Variants in DNAH11 observed in about 807,000 individuals in gnomAD.
DNAH11 encodes the protein axonemal beta dynein heavy chain 11.
DNAH11 carries 442 observed loss-of-function variants against 526.0 expected under a neutral mutation model. The ratio of observed to expected loss-of-function variants is 0.84; its 90% CI spans 0.78 to 0.91. The LOEUF (loss-of-function observed/expected upper bound fraction) is 0.91, where lower values mean the gene tolerates loss of function less well. Among genes scored for constraint, DNAH11 ranks in the 40% least tolerant of loss-of-function variants. The pLI is 0.00. For missense variants in DNAH11, 6,989 were observed against 5,448.7 expected (o/e 1.28, Z -8.90); for synonymous variants, 2,461 against 1,935.9 (o/e 1.27, Z -7.12).
At chr7:21,685,314 G>A (rs568992634) in intron 32 of DNAH11, among the ~76,000 whole-genome samples, 30 of 152,240 alleles carry the variant, frequency 2.0e-4, no homozygotes, top group African/African-American at 7.2e-4. Flanking sequence ...GAGGCCCAGG[G>A]TATAGGAGAA....
intron 14 of DNAH11, among the ~76,000 whole-genome samples, chr7:21,592,828 C>T (rs1053631648): frequency 6.6e-6 from 1 of 152,030 alleles, no homozygotes; most frequent in Non-Finnish European, 1.5e-5. Context: ...TTGGACTGGA[C>T]TGGGGTTGCC....
At chr7:21,684,607 G>C (rs962382160) in intron 32 of DNAH11, among the ~76,000 whole-genome samples, 5 of 152,234 alleles carry the variant, frequency 3.3e-5, no homozygotes, top group African/African-American at 1.2e-4. Flanking sequence ...GTTATGCAGA[G>C]ATCCTGGGGC....
chr7:21,845,705 T>G (rs1782391686), intron 66 of DNAH11, among the ~76,000 whole-genome samples: 1 of 152,192 alleles, frequency 6.6e-6, no homozygotes, highest in Non-Finnish European at 1.5e-5. Flanking sequence ...ATTCTGGATC[T>G]TATGATTTTT....
chr7:21,588,403 T>A, intron 10 of DNAH11, 109 bp from the exon 11 acceptor site: 2 of 1,409,360 alleles, frequency 1.4e-6, no homozygotes, highest in South Asian at 2.7e-5. Flanking sequence ...TAAACACATA[T>A]GTTTTATACT....
intron 65 of DNAH11, among the ~76,000 whole-genome samples, chr7:21,838,882 C>T (rs577248421): frequency 6.6e-4 from 101 of 152,190 alleles, no homozygotes; most frequent in Non-Finnish European, 1.3e-3. Flanking sequence ...AGGTGTGTGC[C>T]ACCACACCAT....
intron 55 of DNAH11, among the ~76,000 whole-genome samples, chr7:21,768,073 A>G (rs1319359061): frequency 6.6e-6 from 1 of 152,202 alleles, no homozygotes; most frequent in Non-Finnish European, 1.5e-5. Context: ...TCTGTTGCCT[A>G]ATATTGAACT....
intron 20 of DNAH11, among the ~76,000 whole-genome samples, chr7:21,610,110 C>T (rs564766457): frequency 3.3e-5 from 5 of 152,172 alleles, no homozygotes; most frequent in East Asian, 1.9e-4. Flanking sequence ...AAAAATTAGC[C>T]GGGCGTGGTG....
intron 39 of DNAH11, 66 bp from the exon 40 acceptor site, chr7:21,707,633 A>G (rs1583613681): frequency 6.4e-7 from 1 of 1,552,948 alleles, no homozygotes; most frequent in Non-Finnish European, 8.7e-7. Flanking sequence ...CTCTTCAGAA[A>G]TCTTTTACTT....
At chr7:21,888,155 T>C (rs1784198020) in intron 76 of DNAH11, among the ~76,000 whole-genome samples, 2 of 152,134 alleles carry the variant, frequency 1.3e-5, no homozygotes, top group African/African-American at 2.4e-5. Flanking sequence ...GCCTAGAAAA[T>C]CACCAATGTA....
At chr7:21,793,615 C>CAA (rs35648252) in intron 61 of DNAH11, among the ~76,000 whole-genome samples, 41,564 of 105,428 alleles carry the variant, frequency 0.39, 6,178 homozygotes, top group East Asian at 0.58. Context: ...GACTCTGTCT[C>CAA]AAAAAAAAAA....
chr7:21,895,897 T>G (rs1243952592), intron 79 of DNAH11, among the ~76,000 whole-genome samples: 1 of 152,146 alleles, frequency 6.6e-6, no homozygotes, highest in African/African-American at 2.4e-5. Context: ...ATCCGGTTAA[T>G]TTTTTGTATA....
intron 55 of DNAH11, among the ~76,000 whole-genome samples, chr7:21,772,495 T>C (rs1032841989): frequency 2.0e-5 from 3 of 152,144 alleles, no homozygotes; most frequent in African/African-American, 4.8e-5. Context: ...ATGTCTGTAT[T>C]GAAGTCAAGC....
At chr7:21,653,177 A>C (rs997547757) in intron 28 of DNAH11, among the ~76,000 whole-genome samples, 15 of 152,154 alleles carry the variant, frequency 9.9e-5, no homozygotes, top group Non-Finnish European at 7.4e-5. Context: ...CACCCAGCCT[A>C]ATCTATTCTT....
At chr7:21,806,529 G>C (rs756305617) in intron 62 of DNAH11, among the ~76,000 whole-genome samples, 1 of 152,132 alleles carries the variant, frequency 6.6e-6, no homozygotes, top group South Asian at 2.1e-4. Context: ...CATGACCTCC[G>C]ACCTCAGGGT....
chr7:21,727,615 ATAT>A (rs1785184094), intron 45 of DNAH11, among the ~76,000 whole-genome samples: 1 of 151,894 alleles, frequency 6.6e-6, no homozygotes, highest in African/African-American at 2.4e-5. Context: ...TTTCCTTTTC[ATAT>A]TATTTCTTCC....
chr7:21,546,139 C>A (rs1782796047), intron 2 of DNAH11, among the ~76,000 whole-genome samples: 2 of 152,326 alleles, frequency 1.3e-5, no homozygotes, highest in Admixed American at 1.3e-4. Context: ...AGGAAAAATG[C>A]TGACATATTT....
intron 55 of DNAH11, among the ~76,000 whole-genome samples, chr7:21,768,220 G>A (rs1456895104): frequency 6.6e-6 from 1 of 152,152 alleles, no homozygotes; most frequent in Non-Finnish European, 1.5e-5. Context: ...AGGGAGAGAA[G>A]GAAAAGCCAT....
chr7:21,667,018 T>G (rs1399898553), intron 30 of DNAH11, among the ~76,000 whole-genome samples: 1 of 152,020 alleles, frequency 6.6e-6, no homozygotes, highest in Non-Finnish European at 1.5e-5. Context: ...TCCAAACCTA[T>G]AAAAAGAGGA....
intron 4 of DNAH11, among the ~76,000 whole-genome samples, chr7:21,560,318 T>C (rs1783403205): frequency 6.6e-6 from 1 of 152,184 alleles, no homozygotes; most frequent in Non-Finnish European, 1.5e-5. Context: ...GATCAACTAA[T>C]AGGATATATG....
Sources: allele counts gnomAD v4.1 joint callset (sites outside exome capture counted in the v4.1 genomes callset), GRCh38; gene constraint gnomAD v4.1.1; transcripts MANE v1.5; gene names NCBI Gene and HGNC (gene_info 2026-07-23, HGNC 2026-07-21).